Variants in MAGEB4 observed in about 807,000 individuals in gnomAD.
The protein encoded by MAGEB4 is MAGE family member B4, also known as melanoma-associated antigen B4.
For missense variants in MAGEB4, 237 were observed against 269.3 expected, an observed-to-expected ratio of 0.88 and a Z score of 0.84; for synonymous variants, 101 against 101.9, an observed-to-expected ratio of 0.99 and a Z score of 0.05.
Position 30,242,298 on chromosome X carries a change from G to T in MAGEB4, c.163G>T (p.Ala55Ser). The T allele has an allele frequency of 1.7e-6, 2 of 1,205,693 alleles. No homozygotes were observed. Among genetic ancestry groups the T allele is most frequent in the Non-Finnish European group, 2.2e-6 (2 of 893,122 alleles). ...GAGGGATACTGCCTCCAGCTCCCTTGCTTTTGGCATTCCCCAGGAGCCTCA... is the reference window on the plus strand; with the variant it reads ...GAGGGATACTGCCTCCAGCTCCCTTTCTTTTGGCATTCCCCAGGAGCCTCA... ...VLRDTASSSL[A>S]FGIPQEPQRE... Residue 55 changes from alanine (A) to serine (S), a missense_variant, in exon 1 of 1, where the codon GCT becomes TCT. Physicochemically the swap from Ala to Ser is moderately conservative, Grantham distance 99 (BLOSUM62 1). Coordinates refer to ENST00000378982, the MANE Select transcript of MAGEB4 (RefSeq NM_002367.4).
chrX:30,242,898 C>A lies in MAGEB4; in HGVS notation c.763C>A (p.Leu255Met). ...CCAAGATCTGGTACAGGAAAAATAT[C>A]TGGAATACCAGCAGGTGCCCAACAG... ...ITQDLVQEKYLEYQQVPNSDP... is the reference protein window; with the variant it reads ...ITQDLVQEKYMEYQQVPNSDP... Residue 255 changes from leucine (L) to methionine (M), a missense_variant, in exon 1 of 1, where the codon CTG becomes ATG. Leu to Met is a conservative substitution (Grantham distance 15). Transcript: ENST00000378982. The A allele has an allele frequency of 8.2e-7, 1 of 1,212,251 alleles. No individual in the cohort carries two copies. Among genetic ancestry groups the A allele is most frequent in the Non-Finnish European group, 1.1e-6 (1 of 895,621 alleles).
Sources: allele counts gnomAD v4.1 joint callset, GRCh38; gene constraint gnomAD v4.1.1; transcripts MANE v1.5; gene names NCBI Gene and HGNC (gene_info 2026-07-23, HGNC 2026-07-21).